The following PIAS4 variants were observed in gnomAD, a reference collection of about 807,000 sequenced individuals.
PIAS4 encodes E3 SUMO-protein ligase PIAS4.
A neutral mutation model predicts 58.0 loss-of-function variants in PIAS4; 7 were observed. The observed-to-expected ratio is 0.12, with a 90% confidence interval of 0.07 to 0.23. The LOEUF is 0.23. Among genes scored for constraint, PIAS4 ranks in the 10% least tolerant of loss-of-function variants. The pLI is 1.00. For missense variants in PIAS4, 550 were observed against 709.5 expected (o/e 0.78, Z 2.55); for synonymous variants, 364 against 312.4 (o/e 1.17, Z -1.74).
chr19:4,035,357 C>G (rs2040263890), intron 9 of PIAS4, among the ~76,000 whole-genome samples: 1 of 152,270 alleles, frequency 6.6e-6, no homozygotes, highest in East Asian at 1.9e-4. Context: ...AGCCACTGCA[C>G]CTTTCCCTTC....
At chr19:4,015,262 G>T (rs1161700706) in intron 2 of PIAS4, among the ~76,000 whole-genome samples, 2 of 152,220 alleles carry the variant, frequency 1.3e-5, no homozygotes, top group African/African-American at 2.4e-5. Context: ...TTTCCTGGGA[G>T]CGGCAGGGCA....
chr19:4,020,796 T>TCACTGTG (rs1222353030), intron 2 of PIAS4, among the ~76,000 whole-genome samples: 1 of 150,326 alleles, frequency 6.7e-6, no homozygotes, highest in African/African-American at 2.5e-5. Context: ...AGACAAGGTC[T>TCACTGTG]CACTGTGTTG....
intron 3 of PIAS4, among the ~76,000 whole-genome samples, chr19:4,027,765 G>A (rs908467624): frequency 1.3e-4 from 20 of 152,108 alleles, no homozygotes; most frequent in East Asian, 1.9e-4. Context: ...GCGCAGGCTC[G>A]TCTCAAATTC....
intron 7 of PIAS4, among the ~76,000 whole-genome samples, chr19:4,030,249 A>G (rs907710553): frequency 2.0e-5 from 3 of 151,728 alleles, no homozygotes; most frequent in African/African-American, 7.2e-5. Context: ...AGTCTTGGCC[A>G]CTTTCGCACC....
intron 3 of PIAS4, among the ~76,000 whole-genome samples, chr19:4,027,936 G>C (rs1351331162): frequency 6.6e-6 from 1 of 152,072 alleles, no homozygotes; most frequent in Non-Finnish European, 1.5e-5. Flanking sequence ...TGTGGATTCT[G>C]TTGCATTTTC....
intron 1 of PIAS4, 136 bp downstream of exon 1, chr19:4,007,923 C>G (rs1355359656): frequency 6.2e-5 from 34 of 544,956 alleles, no homozygotes; most frequent in Non-Finnish European, 7.7e-5. Flanking sequence ...GGCCCCCAGA[C>G]CCCGACCCCC....
At chr19:4,022,972 G>C (rs184406311) in intron 2 of PIAS4, among the ~76,000 whole-genome samples, 241 of 151,178 alleles carry the variant, frequency 1.6e-3, no homozygotes, top group Non-Finnish European at 2.6e-3. Flanking sequence ...GGGAGTTCGA[G>C]AGCAGCCTGG....
intron 3 of PIAS4, among the ~76,000 whole-genome samples, chr19:4,024,536 C>T (rs1338668023): frequency 1.3e-5 from 2 of 152,220 alleles, no homozygotes; most frequent in Admixed American, 1.3e-4. Context: ...CGGGCGAGAC[C>T]TCCCTGGGTT....
At chr19:4,017,171 A>T (rs1026989401) in intron 2 of PIAS4, among the ~76,000 whole-genome samples, 1 of 151,610 alleles carries the variant, frequency 6.6e-6, no homozygotes, top group Non-Finnish European at 1.5e-5. Context: ...GAACAGGGGG[A>T]CTCCGCCAGC....
intron 4 of PIAS4, 73 bp from the exon 5 acceptor site, chr19:4,028,437 C>G (rs563500568): frequency 1.8e-6 from 2 of 1,127,774 alleles, no homozygotes; most frequent in South Asian, 1.4e-5. Context: ...GGCTACCACT[C>G]GTGTACCCCC....
rs769266512 is a variant in PIAS4 at position 4,037,806 on chromosome 19, C to A, written c.1464C>A (p.Asp488Glu). The A allele has an allele frequency of 1.3e-6, 2 of 1,586,702 alleles. No individual in the cohort carries two copies. Among genetic ancestry groups the A allele is most frequent in the Non-Finnish European group, 1.7e-6 (2 of 1,166,954 alleles). Residue 488 changes from aspartate to glutamate, a missense_variant, in exon 11 of 11, where the codon GAC becomes GAA. By Grantham distance (45) the Asp-to-Glu change is conservative. Around this residue, in one of 4 missense-constraint regions of PIAS4, gnomAD observed 188 missense variants for 192.0 expected, o/e 0.98. Coordinates refer to ENST00000262971, the MANE Select transcript of PIAS4 (RefSeq NM_015897.4). This position sits in a 1 kb window ranked among gnomAD's most constrained non-coding sequence, Gnocchi z 5.8. ...DEEEEEEEEE[D>E]EDEEGPRPKR... ...AGGAGGAGGAAGAGGAGGAGGAAGA[C>A]GAGGACGAAGAGGGGCCCCGGCCCA...
At position 4,037,229 on chromosome 19, in the gene PIAS4, C is replaced by T. The variant is rs1018950954; in HGVS notation, c.1143-145C>T. On this transcript the variant is annotated intron_variant, in intron 9 of 10. Coordinates refer to ENST00000262971, the MANE Select transcript of PIAS4 (RefSeq NM_015897.4). This position sits in a 1 kb window ranked among gnomAD's most constrained non-coding sequence, Gnocchi z 5.8. ...GGGCGGGGGAGGGAATGCGGGGTCCCTGGACCCCTGCGGTCGGGGTGGTGA... is the reference window on the plus strand; with the variant it reads ...GGGCGGGGGAGGGAATGCGGGGTCCTTGGACCCCTGCGGTCGGGGTGGTGA... 3 of 1,063,680 alleles carry T rather than the reference C, an allele frequency of 2.8e-6. No individual in the cohort carries two copies. The highest frequency in any genetic ancestry group is 3.2e-5 in the African/African-American group (2 of 62,830). 65.9% of individuals were successfully genotyped at this position (1,063,680 alleles called of 1,614,324 possible). A position where few individuals can be genotyped will look rare whatever the true frequency, so the allele number is the denominator to read the frequency against.
chr19:4,020,152 A>G (rs2144917209), intron 2 of PIAS4, among the ~76,000 whole-genome samples: 1 of 152,154 alleles, frequency 6.6e-6, no homozygotes, highest in South Asian at 2.1e-4. Context: ...TCCTGACCTC[A>G]TGATCCGACT....
chr19:4,011,574 C>T (rs180995615), intron 1 of PIAS4, among the ~76,000 whole-genome samples: 1 of 152,370 alleles, frequency 6.6e-6, no homozygotes, highest in Admixed American at 6.5e-5. Flanking sequence ...TGCAACAGCC[C>T]CTGTGGCTGC....
chr19:4,022,910 G>A (rs2040124448), intron 2 of PIAS4, among the ~76,000 whole-genome samples: 2 of 151,184 alleles, frequency 1.3e-5, no homozygotes, highest in South Asian at 4.2e-4. Context: ...CGTAGCTCAT[G>A]CCTGTAATTC....
At chr19:4,026,991 G>A (rs1357040915) in intron 3 of PIAS4, among the ~76,000 whole-genome samples, 1 of 148,550 alleles carries the variant, frequency 6.7e-6, no homozygotes, top group African/African-American at 2.5e-5. Flanking sequence ...GGGACTACAG[G>A]CACCCGCCAC....
rs1305570681 is a variant in PIAS4 at position 4,038,922 on chromosome 19, G to A, written c.*1047G>A. ...CACTCTTCCAGCAGGACCAGACCAG[G>A]GGCCTCCTTCCTGTCCCCAGGCGTT... On this transcript the variant is annotated 3_prime_UTR_variant, in exon 11 of 11. Coordinates refer to ENST00000262971, the MANE Select transcript of PIAS4 (RefSeq NM_015897.4). The surrounding 1 kb of genome is among the most constrained non-coding windows in gnomAD (Gnocchi z 4.1). The A allele has an allele frequency of 6.6e-6, 1 of 152,476 alleles. No homozygotes were observed. Among genetic ancestry groups the A allele is most frequent in the Non-Finnish European group, 1.5e-5 (1 of 68,258 alleles). 9.4% of individuals were successfully genotyped at this position (152,476 alleles called of 1,614,324 possible). A position where few individuals can be genotyped will look rare whatever the true frequency, so the allele number is the denominator to read the frequency against.
Position 4,013,414 on chromosome 19 carries a change from C to T in PIAS4, c.454+65C>T, listed in dbSNP as rs2040019325. The stretch of plus-strand genomic sequence containing the variant: ...ACCTAGGCCCCGTCGCCCAGCCCAG[C>T]CCAGCCACACAGCCGACTTCGAGTG... On this transcript the variant is annotated intron_variant, in intron 2 of 10. Transcript: ENST00000262971. The surrounding 1 kb of genome is among the most constrained non-coding windows in gnomAD (Gnocchi z 5.1). 13 of 1,408,306 alleles carry T rather than the reference C, an allele frequency of 9.2e-6. No homozygotes were observed. Among genetic ancestry groups the T allele is most frequent in the Non-Finnish European group, 1.3e-5 (13 of 1,020,172 alleles). The allele number at this position is 1,408,306 out of a possible 1,614,324, so 87.2% of individuals were successfully genotyped here.
chr19:4,033,687 T>TG (rs1174318126), intron 9 of PIAS4, 107 bp downstream of exon 9: 3 of 891,236 alleles, frequency 3.4e-6, no homozygotes, highest in African/African-American at 1.7e-5. Flanking sequence ...GACACAGCAG[T>TG]GGGGGCACAT....
Sources: allele counts gnomAD v4.1 joint callset (sites outside exome capture counted in the v4.1 genomes callset), GRCh38; gene constraint gnomAD v4.1.1; regional missense constraint gnomAD v4.1.1; non-coding constraint Gnocchi (gnomAD v3.1); transcripts MANE v1.5; gene names NCBI Gene and HGNC (gene_info 2026-07-23, HGNC 2026-07-21).